The following ELFN1 variants were observed in gnomAD, a reference collection of about 807,000 sequenced individuals.
ELFN1 encodes protein ELFN1.
A neutral mutation model predicts 7.6 loss-of-function variants in ELFN1; 6 were observed. That is an observed-to-expected ratio of 0.79 (90% CI 0.43 to 1.56). ELFN1 has a LOEUF of 1.56. Among genes scored for constraint, ELFN1 ranks in the 40% most tolerant of loss-of-function variants. The pLI is 0.01. For missense variants in ELFN1, 1,169 were observed against 1,232.2 expected (o/e 0.95, Z 0.77); for synonymous variants, 657 against 588.1 (o/e 1.12, Z -1.70).
rs973782363 is a variant in ELFN1, at chr7:1,744,533, C to T, written c.-64C>T. The stretch of plus-strand genomic sequence containing the variant: ...GCCCCTCCATCCCTCTGGGGGCTGG[C>T]GCCTGGCCCCCCACCTGGTCCCCCT... On this transcript the variant is annotated 5_prime_UTR_variant, in exon 4 of 4. Coordinates refer to ENST00000424383, the MANE Select transcript of ELFN1 (RefSeq NM_001128636.4). The T allele has an allele frequency of 2.0e-5, 29 of 1,427,392 alleles. No individual in the cohort carries two copies. Among genetic ancestry groups the T allele is most frequent in the African/African-American group, 1.5e-4 (10 of 68,264 alleles). The allele number at this position is 1,427,392 out of a possible 1,614,324, so 88.4% of individuals were successfully genotyped here. A position where few individuals can be genotyped will look rare whatever the true frequency, so the allele number is the denominator to read the frequency against.
chr7:1,708,432 C>A (rs770329656), intron 2 of ELFN1, among the ~76,000 whole-genome samples: 4 of 152,212 alleles, frequency 2.6e-5, no homozygotes, highest in Admixed American at 1.3e-4. Context: ...CTCAGCAGAC[C>A]AGCACAGAGC....
At position 1,684,301 on chromosome 7, in the gene ELFN1, C is replaced by G. The variant is rs533070201; in HGVS notation, c.-548-3757C>G. Among the ~76,000 whole-genome samples the G allele has an allele frequency of 9.2e-5, 14 of 152,118 alleles. No individual in the cohort carries two copies. The East Asian group carries it at 2.7e-3, about 29-fold the overall frequency. On this transcript the variant is annotated intron_variant, in intron 1 of 3. Coordinates refer to ENST00000424383, the MANE Select transcript of ELFN1 (RefSeq NM_001128636.4). ...TTGTATATTTGAACTAAAATGTACC[C>G]CTTCTAGACAGTATATATTTGGGTT...
intron 3 of ELFN1, among the ~76,000 whole-genome samples, chr7:1,721,088 A>T (rs921259970): frequency 6.6e-6 from 1 of 152,252 alleles, no homozygotes; most frequent in Non-Finnish European, 1.5e-5. Flanking sequence ...AAAATTAAAC[A>T]TTGGATAAAA....
chr7:1,700,787 G>A (rs1265772441), intron 2 of ELFN1, among the ~76,000 whole-genome samples: 1 of 152,256 alleles, frequency 6.6e-6, no homozygotes, highest in East Asian at 1.9e-4. Context: ...TGAGATGCTT[G>A]AAGCCTCGCC....
At position 1,739,836 on chromosome 7, in the gene ELFN1, G is replaced by A. The variant is rs371730230; in HGVS notation, c.-293-4468G>A. On this transcript the variant is annotated intron_variant, in intron 3 of 3. Transcript: ENST00000424383. This position sits in a 1 kb window ranked among gnomAD's most constrained non-coding sequence, Gnocchi z 4.6. The stretch of plus-strand genomic sequence containing the variant: ...CCCGAGGGGGGACGCCCGGTGGGGC[G>A]GGGCTGAGGATGGAAGAGGAGGTGA... Among the ~76,000 whole-genome samples, 15 of 152,324 alleles carry A rather than the reference G, an allele frequency of 9.8e-5. No homozygotes were observed. Among genetic ancestry groups the A allele is most frequent in the African/African-American group, 3.4e-4 (14 of 41,584 alleles).
At chr7:1,706,693 C>G (rs575418458) in intron 2 of ELFN1, among the ~76,000 whole-genome samples, 28 of 152,352 alleles carry the variant, frequency 1.8e-4, no homozygotes, top group African/African-American at 6.5e-4. Context: ...GTGAGGTTGT[C>G]TAATCACCTT....
intron 1 of ELFN1, among the ~76,000 whole-genome samples, chr7:1,687,334 T>A (rs142590064): frequency 2.6e-5 from 4 of 152,020 alleles, no homozygotes; most frequent in African/African-American, 9.7e-5. Context: ...ATGCCAGAAT[T>A]CCCACCCTGT....
chr7:1,685,535 C>T (rs1779047535), intron 1 of ELFN1, among the ~76,000 whole-genome samples: 1 of 152,006 alleles, frequency 6.6e-6, no homozygotes, highest in South Asian at 2.1e-4. Context: ...TTGAATACTT[C>T]TATTGATTGA....
intron 2 of ELFN1, among the ~76,000 whole-genome samples, chr7:1,698,397 C>T (rs1304691973): frequency 6.6e-6 from 1 of 152,184 alleles, no homozygotes; most frequent in African/African-American, 2.4e-5. Context: ...CGTCAGCTTC[C>T]TGTCGGGTGA....
At chr7:1,726,832 G>A (rs1041036667) in intron 3 of ELFN1, among the ~76,000 whole-genome samples, 2 of 152,166 alleles carry the variant, frequency 1.3e-5, no homozygotes, top group African/African-American at 2.4e-5. Flanking sequence ...ACCAGAACTC[G>A]CCCCTGCACG....
chr7:1,675,592 A>G (rs930142732), intron 1 of ELFN1, among the ~76,000 whole-genome samples: 2 of 152,166 alleles, frequency 1.3e-5, no homozygotes, highest in African/African-American at 4.8e-5. Context: ...CCCGCCCCAC[A>G]TGGATGAGAA....
intron 1 of ELFN1, among the ~76,000 whole-genome samples, chr7:1,680,771 T>G (rs1778960997): frequency 6.9e-6 from 1 of 144,418 alleles, no homozygotes; most frequent in Admixed American, 6.9e-5. Flanking sequence ...AGACTGAATC[T>G]CACTCTGTTG....
chr7:1,741,770 G>GA (rs1780622005), intron 3 of ELFN1, among the ~76,000 whole-genome samples: 1 of 151,986 alleles, frequency 6.6e-6, no homozygotes, highest in South Asian at 2.1e-4. Context: ...GAAATCTGGG[G>GA]GGCTCCGAGC....
At chr7:1,672,337 C>T (rs1778783362) in intron 1 of ELFN1, among the ~76,000 whole-genome samples, 1 of 152,176 alleles carries the variant, frequency 6.6e-6, no homozygotes, top group Admixed American at 6.5e-5. Flanking sequence ...CTCCCCACAC[C>T]TGGGCCAGGG....
rs753729638 is a variant in ELFN1 at position 1,746,187 on chromosome 7, G to A, written c.1591G>A (p.Gly531Arg). ...GGGCAGCTACATGGAGGTTCGAACC[G>A]GGGACCCTCCGGAACGCAGGGACTG... The part of the protein sequence containing the change: ...SKGSYMEVRT[G>R]DPPERRDCEL... The change falls in exon 4 of 4, where the codon GGG (glycine) becomes AGG (arginine). Residue 531 changes from glycine to arginine, a missense_variant. Physicochemically the swap from Gly to Arg is moderately radical, Grantham distance 125. Around this residue, in one of 2 missense-constraint regions of ELFN1, gnomAD observed 914 missense variants for 872.6 expected, o/e 1.05. Coordinates refer to ENST00000424383, the MANE Select transcript of ELFN1 (RefSeq NM_001128636.4). 108 of 1,550,618 alleles carry A rather than the reference G, an allele frequency of 7.0e-5. No individual in the cohort carries two copies. The highest frequency in any genetic ancestry group is 1.4e-4 in the South Asian group (12 of 84,086).
At chr7:1,678,952 G>C (rs1778923031) in intron 1 of ELFN1, among the ~76,000 whole-genome samples, 1 of 152,164 alleles carries the variant, frequency 6.6e-6, no homozygotes, top group South Asian at 2.1e-4. Context: ...TGTGCTCCCA[G>C]GAGTGCTCAC....
At chr7:1,686,291 GTC>G (rs1018035442) in intron 1 of ELFN1, among the ~76,000 whole-genome samples, 8 of 148,834 alleles carry the variant, frequency 5.4e-5, no homozygotes, top group African/African-American at 1.7e-4. Flanking sequence ...TGAGATCATT[GTC>G]TCTGTTAGTT....
intron 1 of ELFN1, among the ~76,000 whole-genome samples, chr7:1,684,926 A>G (rs897823191): frequency 2.0e-5 from 3 of 152,180 alleles, no homozygotes; most frequent in East Asian, 3.8e-4. Context: ...ATATTCGTCT[A>G]TGTATTTACC....
At chr7:1,728,534 G>A (rs926508787) in intron 3 of ELFN1, among the ~76,000 whole-genome samples, 3 of 152,292 alleles carry the variant, frequency 2.0e-5, no homozygotes, top group Middle Eastern at 3.4e-3. Flanking sequence ...CTGCCCCAGC[G>A]CTCAGGGTCC....
Sources: gnomAD v4.1 joint callset for allele counts (sites outside exome capture counted in the v4.1 genomes callset) on GRCh38, gnomAD v4.1.1 for gene constraint, gnomAD v4.1.1 regional missense constraint, Gnocchi (gnomAD v3.1) non-coding constraint, MANE v1.5 for transcripts, NCBI Gene and HGNC (gene_info 2026-07-23, HGNC 2026-07-21) for gene names.